The following TCF7 variants were observed in gnomAD, a reference collection of about 807,000 sequenced individuals.
TCF7 encodes the protein transcription factor 7.
Under a neutral mutation model 46.8 loss-of-function variants are expected in TCF7, and 19 were observed. The observed-to-expected ratio is 0.41, with a 90% CI of 0.28 to 0.60. The LOEUF (loss-of-function observed/expected upper bound fraction) is 0.60. Ranked by LOEUF, TCF7 falls within the 20% of genes least tolerant of loss-of-function variation. The pLI is 0.35. For missense variants in TCF7, 547 were observed against 504.6 expected (o/e 1.08, Z -0.81); for synonymous variants, 245 against 213.4 (o/e 1.15, Z -1.29).
At chr5:134,124,549 C>A (rs1757068588) in intron 3 of TCF7, among the ~76,000 whole-genome samples, 1 of 152,250 alleles carries the variant, frequency 6.6e-6, no homozygotes, top group Admixed American at 6.5e-5. Context: ...GCAGACTACT[C>A]TAGAGCCGGA....
intron 3 of TCF7, among the ~76,000 whole-genome samples, chr5:134,123,111 C>T (rs1192164377): frequency 6.6e-6 from 1 of 152,228 alleles, no homozygotes; most frequent in African/African-American, 2.4e-5. Flanking sequence ...ACCCAGCACA[C>T]AGTAGGTGCC....
At chr5:134,134,799 A>G (rs1758623499) in intron 3 of TCF7, among the ~76,000 whole-genome samples, 1 of 152,164 alleles carries the variant, frequency 6.6e-6, no homozygotes, top group African/African-American at 2.4e-5. Flanking sequence ...AGGCTTCCCA[A>G]CCTACCTCAC....
intron 3 of TCF7, among the ~76,000 whole-genome samples, chr5:134,116,577 A>T (rs1047440929): frequency 1.8e-4 from 27 of 152,332 alleles, no homozygotes; most frequent in African/African-American, 6.5e-4. Flanking sequence ...CATGTGTGGA[A>T]AGTGGGTTCT....
chr5:134,145,486 C>G, intron 9 of TCF7: 1 of 570,204 alleles, frequency 1.8e-6, no homozygotes. Context: ...GTGGGTGTGA[C>G]AAGGTTTACC....
intron 3 of TCF7, 147 bp downstream of exon 3, chr5:134,116,180 G>A: frequency 7.1e-7 from 1 of 1,412,130 alleles, no homozygotes. Context: ...GGTGGGATCT[G>A]AACCAAAAGG....
chr5:134,135,502 G>A (rs900344915), intron 3 of TCF7, among the ~76,000 whole-genome samples: 1 of 152,164 alleles, frequency 6.6e-6, no homozygotes, highest in African/African-American at 2.4e-5. Flanking sequence ...TGAAGGTAGA[G>A]CATTAGGATT....
chr5:134,128,986 G>C (rs993376289), intron 3 of TCF7, among the ~76,000 whole-genome samples: 1 of 152,228 alleles, frequency 6.6e-6, no homozygotes, highest in Non-Finnish European at 1.5e-5. Flanking sequence ...AAAAATTCTT[G>C]GTAGGCTGCT....
chr5:134,146,418 C>G lies in TCF7; in HGVS notation c.*115C>G. 7.7e-7 allele frequency: 1 copy of G among 1,295,238 alleles called. No individual in the cohort carries two copies. Among genetic ancestry groups the G allele is most frequent in the Non-Finnish European group, 1.1e-6 (1 of 890,922 alleles). 80.2% of individuals were successfully genotyped at this position (1,295,238 alleles called of 1,614,324 possible). A position where few individuals can be genotyped will look rare whatever the true frequency, so the allele number is the denominator to read the frequency against. ...CCGGCACCTACATCCCCAGGTCTCTCCACTGCTCTCAGCCTCCCAACCCCA... is the reference window on the plus strand; with the variant it reads ...CCGGCACCTACATCCCCAGGTCTCTGCACTGCTCTCAGCCTCCCAACCCCA... On this transcript the variant is annotated 3_prime_UTR_variant, in exon 10 of 10. Coordinates refer to ENST00000342854, the MANE Select transcript of TCF7 (RefSeq NM_003202.5).
chr5:134,116,086 G>C lies in TCF7; in HGVS notation c.441+53G>C, dbSNP rs915978875. 2.6e-6 allele frequency: 4 copies of C among 1,559,472 alleles called. No homozygotes were observed. In the Admixed American group the frequency reaches 7.8e-5, roughly 31 times the overall value. Reference sequence around the variant, plus strand: ...CCTGTGCTTGCAGCCTCCTTGACCAGGTAGGTGAGGCACCGGCAAGAGACT... The same window carrying C: ...CCTGTGCTTGCAGCCTCCTTGACCACGTAGGTGAGGCACCGGCAAGAGACT... On this transcript the variant is annotated intron_variant, in intron 3 of 9. Coordinates refer to ENST00000342854, the MANE Select transcript of TCF7 (RefSeq NM_003202.5).
At chr5:134,124,281 A>C (rs1757025287) in intron 3 of TCF7, among the ~76,000 whole-genome samples, 1 of 152,112 alleles carries the variant, frequency 6.6e-6, no homozygotes, top group Non-Finnish European at 1.5e-5. Flanking sequence ...TGGGGTCTGG[A>C]CCTGGGAAAC....
intron 3 of TCF7, among the ~76,000 whole-genome samples, chr5:134,125,897 G>T (rs1032266522): frequency 1.3e-5 from 2 of 152,252 alleles, no homozygotes; most frequent in Admixed American, 6.5e-5. Flanking sequence ...GCCCTGCTGT[G>T]TGGGTTCCCT....
intron 2 of TCF7, 110 bp from the exon 3 acceptor site, chr5:134,115,799 A>C: frequency 1.3e-6 from 2 of 1,555,106 alleles, no homozygotes; most frequent in South Asian, 2.5e-5. Flanking sequence ...TTCCCAAGTC[A>C]GGAACTTGCA....
chr5:134,132,113 A>AG (rs1351756022), intron 3 of TCF7, among the ~76,000 whole-genome samples: 1 of 152,224 alleles, frequency 6.6e-6, no homozygotes, highest in Non-Finnish European at 1.5e-5. Flanking sequence ...CAATAACCAT[A>AG]GGCCCTTTGC....
chr5:134,113,733 G>A (rs112366017), upstream of TCF7, among the ~76,000 whole-genome samples: 44 of 152,366 alleles, frequency 2.9e-4, no homozygotes, highest in Non-Finnish European at 5.9e-4. Context: ...ATACAGATGC[G>A]CTGGAATCCA....
chr5:134,143,025 G>A lies in TCF7; in HGVS notation c.951G>A (p.Lys317=), dbSNP rs757849026. The stretch of plus-strand genomic sequence containing the variant: ...CGCTGTCGCGAGAAGAGCAGGCCAA[G>A]TACTATGAGCTGGCCCGCAAGGAGA... ...WHALSREEQA[K]YYELARKERQ... The change falls in exon 8 of 10, where the codon AAG becomes AAA. Residue 317 remains lysine, a synonymous_variant. Coordinates refer to ENST00000342854, the MANE Select transcript of TCF7 (RefSeq NM_003202.5). The A allele has an allele frequency of 8.7e-6, 14 of 1,612,820 alleles. No individual in the cohort carries two copies. Among genetic ancestry groups the A allele is most frequent in the Non-Finnish European group, 1.2e-5 (14 of 1,179,382 alleles).
chr5:134,108,896 T>G, the TCF7 span, among the ~76,000 whole-genome samples: 3 of 152,148 alleles, frequency 2.0e-5, no homozygotes, highest in Middle Eastern at 3.2e-3. Context: ...CACATCCTCT[T>G]TAATCCCTCT....
intron 3 of TCF7, among the ~76,000 whole-genome samples, chr5:134,118,573 C>T (rs368233248): frequency 3.5e-4 from 54 of 152,282 alleles, no homozygotes; most frequent in African/African-American, 1.2e-3. Context: ...ATGACCACCC[C>T]ACAGCCAACT....
At position 134,114,787 on chromosome 5, in the gene TCF7, C is replaced by T; in HGVS notation, c.-120C>T. 1.1e-6 allele frequency: 1 copy of T among 938,902 alleles called. No individual in the cohort carries two copies. Among genetic ancestry groups the T allele is most frequent in the Non-Finnish European group, 1.3e-6 (1 of 789,334 alleles). 58.2% of individuals were successfully genotyped at this position (938,902 alleles called of 1,614,324 possible). On this transcript the variant is annotated 5_prime_UTR_variant, in exon 1 of 10. Coordinates refer to ENST00000342854, the MANE Select transcript of TCF7 (RefSeq NM_003202.5). Reference sequence around the variant, plus strand: ...CCCGCCCAGGCGGAGTCAGCCCGCGCTCCGCCCGCCGCGATCCGAGCTCGG... The same window carrying T: ...CCCGCCCAGGCGGAGTCAGCCCGCGTTCCGCCCGCCGCGATCCGAGCTCGG...
chr5:134,120,805 T>C (rs1756467444), intron 3 of TCF7, among the ~76,000 whole-genome samples: 4 of 152,356 alleles, frequency 2.6e-5, no homozygotes, highest in Non-Finnish European at 4.4e-5. Flanking sequence ...TGCTTAACCC[T>C]AAGAAAGGCC....
Sources: gnomAD v4.1 joint callset for allele counts (sites outside exome capture counted in the v4.1 genomes callset) on GRCh38, gnomAD v4.1.1 for gene constraint, MANE v1.5 for transcripts, NCBI Gene and HGNC (gene_info 2026-07-23, HGNC 2026-07-21) for gene names.